MRPS28: variants seen among roughly 807,000 people sequenced by gnomAD.
The protein encoded by MRPS28 is small ribosomal subunit protein bS1m.
MRPS28 carries 7 observed loss-of-function variants against 10.8 expected under a neutral mutation model. The ratio of observed to expected loss-of-function variants is 0.65; its 90% CI spans 0.37 to 1.22. MRPS28 has a LOEUF of 1.22. MRPS28 is among the 50% of genes most tolerant of loss of function. The probability of loss-of-function intolerance (pLI) is 0.02; values close to 1 mark genes in which losing one functional copy is unlikely to be tolerated. For synonymous variants in MRPS28, 121 were observed against 93.3 expected (o/e 1.30, Z -1.71); for missense variants, 265 against 232.9 (o/e 1.14, Z -0.90).
intron 2 of MRPS28, among the ~76,000 whole-genome samples, chr8:79,937,790 A>C (rs1806642571): frequency 6.6e-6 from 1 of 152,208 alleles, no homozygotes; most frequent in Non-Finnish European, 1.5e-5. Flanking sequence ...CTGATACTTT[A>C]CTTTGTATAT....
intron 1 of MRPS28, among the ~76,000 whole-genome samples, chr8:80,007,958 T>C (rs1808906337): frequency 6.6e-6 from 1 of 152,162 alleles, no homozygotes; most frequent in Non-Finnish European, 1.5e-5. Context: ...AGAGCCCGCA[T>C]TGCCAAGTCA....
At chr8:80,027,661 A>T (rs919138623) in intron 1 of MRPS28, among the ~76,000 whole-genome samples, 22 of 152,256 alleles carry the variant, frequency 1.4e-4, no homozygotes, top group Non-Finnish European at 2.5e-4. Flanking sequence ...GGTATCAATT[A>T]AGAAGGAGTA....
chr8:79,976,037 T>C (rs1328027577), intron 2 of MRPS28, among the ~76,000 whole-genome samples: 1 of 152,150 alleles, frequency 6.6e-6, no homozygotes, highest in East Asian at 1.9e-4. Context: ...GACCTACTTA[T>C]GAGGCAGTAT....
At chr8:79,993,234 A>C (rs1308298016) in intron 2 of MRPS28, among the ~76,000 whole-genome samples, 1 of 152,210 alleles carries the variant, frequency 6.6e-6, no homozygotes, top group African/African-American at 2.4e-5. Flanking sequence ...GGAACACTTA[A>C]TTGCTTGCAT....
At chr8:79,940,035 T>C (rs1806726238) in intron 2 of MRPS28, among the ~76,000 whole-genome samples, 1 of 151,992 alleles carries the variant, frequency 6.6e-6, no homozygotes, top group African/African-American at 2.4e-5. Flanking sequence ...TTATGAGGGC[T>C]AGAAGCAATG....
intron 2 of MRPS28, among the ~76,000 whole-genome samples, chr8:79,943,066 C>A (rs1268576218): frequency 1.3e-5 from 2 of 152,166 alleles, no homozygotes; most frequent in Non-Finnish European, 2.9e-5. Context: ...TTTCATACTT[C>A]TGTTAAGTTT....
At chr8:79,949,710 T>G (rs1807032864) in intron 2 of MRPS28, among the ~76,000 whole-genome samples, 1 of 152,140 alleles carries the variant, frequency 6.6e-6, no homozygotes. Flanking sequence ...AAAAAATAAC[T>G]TTTTTTAGAT....
chr8:79,988,188 C>T (rs1007086968), intron 2 of MRPS28, among the ~76,000 whole-genome samples: 1 of 146,634 alleles, frequency 6.8e-6, no homozygotes. Flanking sequence ...AACCAAACAC[C>T]GCATATTCTC....
intron 2 of MRPS28, among the ~76,000 whole-genome samples, chr8:79,957,546 CAAA>C (rs35772888): frequency 2.4e-5 from 2 of 84,962 alleles, no homozygotes; most frequent in South Asian, 4.0e-4. Flanking sequence ...CTTGTCTCTA[CAAA>C]AAAAAAAAAA....
At chr8:79,974,180 T>C (rs375347332) in intron 2 of MRPS28, among the ~76,000 whole-genome samples, 85 of 152,296 alleles carry the variant, frequency 5.6e-4, no homozygotes, top group African/African-American at 1.7e-3. Context: ...TTTTTGACAG[T>C]ACACCGAAGA....
chr8:79,980,760 T>A (rs529463273), intron 2 of MRPS28, among the ~76,000 whole-genome samples: 1 of 152,212 alleles, frequency 6.6e-6, no homozygotes, highest in Non-Finnish European at 1.5e-5. Context: ...ATGCCGGACA[T>A]TTAAAAATTA....
intron 2 of MRPS28, among the ~76,000 whole-genome samples, chr8:79,953,889 T>G (rs1382022918): frequency 6.6e-6 from 1 of 152,352 alleles, no homozygotes; most frequent in East Asian, 1.9e-4. Context: ...AATTTTTCTG[T>G]GTGTATGCAT....
intron 1 of MRPS28, among the ~76,000 whole-genome samples, chr8:80,006,493 G>C (rs548931104): frequency 6.6e-6 from 1 of 152,032 alleles, no homozygotes; most frequent in Non-Finnish European, 1.5e-5. Flanking sequence ...CTGGTTTTTT[G>C]AAAGGATCAA....
intron 1 of MRPS28, among the ~76,000 whole-genome samples, chr8:80,027,206 A>G (rs1284990644): frequency 1.3e-5 from 2 of 152,244 alleles, no homozygotes; most frequent in Non-Finnish European, 2.9e-5. Context: ...GGGGCCACAT[A>G]AAAGCTAAAA....
Position 80,030,044 on chromosome 8 carries a change from G to C in MRPS28, c.205C>G (p.Leu69Val), listed in dbSNP as rs1430866148. 4 of 1,613,146 alleles carry C rather than the reference G, an allele frequency of 2.5e-6. No homozygotes were observed. The South Asian group carries it at 4.4e-5, about 18-fold the overall frequency. ...HSELLQKVEP[L>V]QKGSPKNVES... Reference sequence around the variant, plus strand: ...ACCCGCCCGGGCTCCACCTTCTGTAGGGGCTCCACCTTCTGTAGAAGCTCC... The same window carrying C: ...ACCCGCCCGGGCTCCACCTTCTGTACGGGCTCCACCTTCTGTAGAAGCTCC... Residue 69 changes from leucine (L) to valine (V), a missense_variant, in exon 1 of 3, where the codon CTA (leucine) becomes GTA (valine). Transcript: ENST00000276585.
chr8:80,001,393 T>C (rs891756517), intron 2 of MRPS28, among the ~76,000 whole-genome samples: 1 of 152,258 alleles, frequency 6.6e-6, no homozygotes, highest in Non-Finnish European at 1.5e-5. Flanking sequence ...TCACATATCT[T>C]CTTACTTGCC....
intron 2 of MRPS28, among the ~76,000 whole-genome samples, chr8:79,948,337 T>C (rs1806982712): frequency 6.6e-6 from 1 of 152,206 alleles, no homozygotes. Context: ...TATACATTTG[T>C]TTTTTATACT....
intron 2 of MRPS28, among the ~76,000 whole-genome samples, chr8:79,980,284 G>A (rs935924985): frequency 2.6e-5 from 4 of 152,160 alleles, no homozygotes; most frequent in African/African-American, 9.7e-5. Context: ...TTAGTTAGGA[G>A]TAGAGCCAGG....
At chr8:79,975,064 T>A (rs1276656924) in intron 2 of MRPS28, among the ~76,000 whole-genome samples, 1 of 152,106 alleles carries the variant, frequency 6.6e-6, no homozygotes, top group African/African-American at 2.4e-5. Flanking sequence ...ACAAGAGGAC[T>A]GGCTGAGCCC....
Sources: allele counts gnomAD v4.1 joint callset (sites outside exome capture counted in the v4.1 genomes callset), GRCh38; gene constraint gnomAD v4.1.1; transcripts MANE v1.5; gene names NCBI Gene and HGNC (gene_info 2026-07-23, HGNC 2026-07-21).